NTRK2: variants seen among roughly 807,000 people sequenced by gnomAD.
NTRK2 encodes the protein neurotrophic receptor tyrosine kinase 2, also known as BDNF/NT-3 growth factors receptor.
Under a neutral mutation model 94.5 loss-of-function variants are expected in NTRK2, and 13 were observed. That is an observed-to-expected ratio of 0.14 (90% CI 0.09 to 0.22). The LOEUF (loss-of-function observed/expected upper bound fraction) is 0.22, where lower values mean the gene tolerates loss of function less well. NTRK2 is among the 10% of genes least tolerant of loss of function. NTRK2 has a pLI of 1.00. For synonymous variants in NTRK2, 372 were observed against 407.4 expected (o/e 0.91, Z 1.05); for missense variants, 639 against 1,071.2 (o/e 0.60, Z 5.63).
chr9:84,863,923 G>A (rs984774010), intron 13 of NTRK2, among the ~76,000 whole-genome samples: 1 of 152,162 alleles, frequency 6.6e-6, no homozygotes, highest in Non-Finnish European at 1.5e-5. Flanking sequence ...CCCCAAACAA[G>A]AGCTCATTCC....
At chr9:84,674,306 A>G (rs1403756428) in intron 2 of NTRK2, among the ~76,000 whole-genome samples, 3 of 152,126 alleles carry the variant, frequency 2.0e-5, no homozygotes, top group African/African-American at 4.8e-5. Flanking sequence ...GAACAGCCTT[A>G]TATTTTTCCT....
At chr9:84,939,172 CTG>C (rs2078319608) in intron 15 of NTRK2, among the ~76,000 whole-genome samples, 1 of 149,494 alleles carries the variant, frequency 6.7e-6, no homozygotes, top group South Asian at 2.1e-4. Flanking sequence ...CTGAAAGAAA[CTG>C]TAAAGATGAT....
chr9:84,702,474 C>A, intron 4 of NTRK2, 55 bp downstream of exon 4: 3 of 1,430,380 alleles, frequency 2.1e-6, no homozygotes, highest in Non-Finnish European at 3.0e-6. Context: ...CAATATTTCC[C>A]CCCTCTGTTT....
intron 17 of NTRK2, among the ~76,000 whole-genome samples, chr9:85,017,046 T>G (rs1832312646): frequency 6.6e-6 from 1 of 152,222 alleles, no homozygotes; most frequent in Middle Eastern, 3.4e-3. Context: ...CAGTATCAGG[T>G]TTTCTATCTT....
intron 2 of NTRK2, 67 bp downstream of exon 2, chr9:84,671,027 G>A: frequency 6.9e-7 from 1 of 1,452,384 alleles, no homozygotes; most frequent in South Asian, 1.2e-5. Flanking sequence ...CAGGTGGGTA[G>A]GTCCTGGAAG....
At chr9:84,723,509 C>T in intron 6 of NTRK2, 64 bp from the exon 7 acceptor site, 1 of 1,576,630 alleles carries the variant, frequency 6.3e-7, no homozygotes, top group Admixed American at 1.7e-5. Context: ...CAATTTATTG[C>T]TTTTATTTTG....
At chr9:84,993,382 A>T (rs1462511674) in intron 17 of NTRK2, among the ~76,000 whole-genome samples, 1 of 152,062 alleles carries the variant, frequency 6.6e-6, no homozygotes, top group Non-Finnish European at 1.5e-5. Context: ...AGCTCCCATC[A>T]CCAGCATGCC....
At chr9:84,781,624 CT>C (rs1208239437) in intron 12 of NTRK2, among the ~76,000 whole-genome samples, 2 of 152,140 alleles carry the variant, frequency 1.3e-5, no homozygotes, top group African/African-American at 4.8e-5. Flanking sequence ...TGAATGCCCC[CT>C]GGTGGAAACA....
At chr9:84,843,227 T>C (rs182737459) in intron 12 of NTRK2, among the ~76,000 whole-genome samples, 1 of 152,318 alleles carries the variant, frequency 6.6e-6, no homozygotes, top group Non-Finnish European at 1.5e-5. Context: ...GTTGGTTCCC[T>C]GGGTCTACAG....
At chr9:84,747,205 G>A (rs2064155636) in intron 11 of NTRK2, among the ~76,000 whole-genome samples, 1 of 152,142 alleles carries the variant, frequency 6.6e-6, no homozygotes, top group Non-Finnish European at 1.5e-5. Flanking sequence ...ATGCATGCAT[G>A]CACATGCACA....
In NTRK2 at chr9:84,710,782, C is replaced by A. The variant is rs2131832494; in HGVS notation, c.574C>A (p.Pro192Thr). 1.2e-6 allele frequency: 2 copies of A among 1,614,062 alleles called. No individual in the cohort carries two copies. The highest frequency in any genetic ancestry group is 1.7e-6 in the Non-Finnish European group (2 of 1,179,980). ...TATTCCCCTGGCAAACCTGCAGATA[C>A]CCAATTGTGGTAATTTATTTTTAAA... ...KNIPLANLQI[P>T]NCGLPSANLA... The change falls in exon 6 of 19, where the codon CCC becomes ACC. Residue 192 changes from proline to threonine, a missense_variant. Physicochemically the swap from Pro to Thr is conservative, Grantham distance 38. Transcript: ENST00000277120.
At chr9:84,970,086 C>T (rs1280462998) in intron 17 of NTRK2, among the ~76,000 whole-genome samples, 1 of 152,108 alleles carries the variant, frequency 6.6e-6, no homozygotes, top group Non-Finnish European at 1.5e-5. Context: ...ACTATTTCTT[C>T]AACTTTTAAA....
chr9:84,850,179 A>G, intron 12 of NTRK2, among the ~76,000 whole-genome samples: 1 of 152,148 alleles, frequency 6.6e-6, no homozygotes, highest in East Asian at 1.9e-4. Context: ...ATGGTCAAAG[A>G]CAAAGCATGG....
At chr9:84,996,640 A>G (rs191142680) in intron 17 of NTRK2, among the ~76,000 whole-genome samples, 1 of 152,374 alleles carries the variant, frequency 6.6e-6, no homozygotes, top group Non-Finnish European at 1.5e-5. Context: ...CGAGCCCTGC[A>G]TTCAGAGTCA....
intron 17 of NTRK2, among the ~76,000 whole-genome samples, chr9:84,992,577 G>C (rs1184483495): frequency 2.0e-5 from 3 of 152,064 alleles, no homozygotes; most frequent in Non-Finnish European, 4.4e-5. Context: ...GTCTGGCACC[G>C]TGCCTGGCAA....
In NTRK2 at chr9:84,921,330, A is replaced by G. The variant is rs547320144; in HGVS notation, c.1634-12832A>G. Among the ~76,000 whole-genome samples, 252 of 152,358 alleles carry G rather than the reference A, an allele frequency of 1.7e-3. 2 individuals are homozygous for G. Among genetic ancestry groups the G allele is most frequent in the Admixed American group, 6.3e-3 (97 of 15,308 alleles). ...GCAGTCTTCCAGCTGACAGAAGCAT[A>G]CAAAACAAGTCCTTATCTCAAGACA... On this transcript the variant is annotated intron_variant, in intron 14 of 18. Coordinates refer to ENST00000277120, the MANE Select transcript of NTRK2 (RefSeq NM_006180.6).
intron 11 of NTRK2, among the ~76,000 whole-genome samples, chr9:84,746,752 G>T (rs1045050252): frequency 6.6e-6 from 1 of 152,102 alleles, no homozygotes; most frequent in African/African-American, 2.4e-5. Flanking sequence ...CCCCATCCCA[G>T]GCATTTGCTT....
At chr9:85,013,914 G>A (rs1423585064) in intron 17 of NTRK2, among the ~76,000 whole-genome samples, 2 of 152,142 alleles carry the variant, frequency 1.3e-5, no homozygotes, top group Non-Finnish European at 2.9e-5. Context: ...AGGCATCATT[G>A]GTCTTTGCTA....
At chr9:84,758,403 A>G (rs11140752) in intron 12 of NTRK2, among the ~76,000 whole-genome samples, 5,825 of 151,800 alleles carry the variant, frequency 0.038, 149 homozygotes, top group Middle Eastern at 0.068. Flanking sequence ...TATTATTATT[A>G]TTATTGAGAC....
Sources: allele counts gnomAD v4.1 joint callset (sites outside exome capture counted in the v4.1 genomes callset), GRCh38; gene constraint gnomAD v4.1.1; transcripts MANE v1.5; gene names NCBI Gene and HGNC (gene_info 2026-07-23, HGNC 2026-07-21).